The following TTLL5 variants were observed in gnomAD, a reference collection of about 807,000 sequenced individuals.
The protein encoded by TTLL5 is tubulin polyglutamylase TTLL5.
Under a neutral mutation model 168.4 loss-of-function variants are expected in TTLL5, and 132 were observed. The observed-to-expected ratio is 0.78, with a 90% CI of 0.68 to 0.91. The LOEUF (loss-of-function observed/expected upper bound fraction) is 0.91, where lower values mean the gene tolerates loss of function less well. TTLL5 is among the 40% of genes least tolerant of loss of function. TTLL5 has a pLI of 0.00. For synonymous variants in TTLL5, 546 were observed against 558.6 expected, an observed-to-expected ratio of 0.98 and a Z score of 0.32; for missense variants, 1,545 against 1,581.5, an observed-to-expected ratio of 0.98 and a Z score of 0.39.
intron 9 of TTLL5, among the ~76,000 whole-genome samples, chr14:75,716,710 C>T (rs1171108558): frequency 6.6e-6 from 1 of 151,984 alleles, no homozygotes; most frequent in African/African-American, 2.4e-5. Flanking sequence ...CATAACCATT[C>T]GCCTTGAGTG....
intron 31 of TTLL5, among the ~76,000 whole-genome samples, chr14:75,946,806 A>G (rs2034788748): frequency 6.6e-6 from 1 of 152,198 alleles, no homozygotes; most frequent in Admixed American, 6.5e-5. Flanking sequence ...CGCTATTCTA[A>G]ATAAAGTAGA....
rs1444144201 is a variant in TTLL5, at chr14:75,783,156, C to G, written c.2612C>G (p.Thr871Ser). The G allele has an allele frequency of 2.5e-6, 4 of 1,608,112 alleles. No individual in the cohort carries two copies. The change falls in exon 26 of 32, where the codon ACT (threonine) becomes AGT (serine). Residue 871 changes from threonine to serine, a missense_variant. Thr to Ser is a moderately conservative substitution (Grantham distance 58, BLOSUM62 1). Coordinates refer to ENST00000298832, the MANE Select transcript of TTLL5 (RefSeq NM_015072.5). ...IHSDKLSRFT[T>S]SAEKEAKLVY... is the part of the protein sequence containing the mutation. ...GTTTTGTTTTTAATAGGATTTACCA[C>G]TTCAGCAGAAAAAGAGGCAAAATTA...
chr14:75,771,911 ATTTTT>A (rs57636956), intron 21 of TTLL5, 57 bp downstream of exon 21: 8 of 1,307,518 alleles, frequency 6.1e-6, no homozygotes, highest in South Asian at 3.2e-5. Context: ...TTCTTTCTGT[ATTTTT>A]TTTTTTTTTT....
At position 75,735,237 on chromosome 14, in the gene TTLL5, C is replaced by T; in HGVS notation, c.1229C>T (p.Pro410Leu). The T allele has an allele frequency of 6.2e-7, 1 of 1,614,220 alleles. No individual in the cohort carries two copies. Among genetic ancestry groups the T allele is most frequent in the Non-Finnish European group, 8.5e-7 (1 of 1,180,008 alleles). ...QDPAQRASTR[P>L]IYPTFESSRR... ...CCTGCCCAGCGGGCATCAACTCGGC[C>T]AATTTATCCCACCTTTGAGTCTTCC... The change falls in exon 15 of 32, where the codon CCA (proline) becomes CTA (leucine). Residue 410 changes from proline (P) to leucine (L), a missense_variant. Physicochemically the swap from Pro to Leu is moderately conservative, Grantham distance 98. Coordinates refer to ENST00000298832, the MANE Select transcript of TTLL5 (RefSeq NM_015072.5).
Position 75,826,853 on chromosome 14 carries a change from T to G in TTLL5, c.3326+6692T>G, listed in dbSNP as rs1469023051. On this transcript the variant is annotated intron_variant, in intron 28 of 31. Transcript: ENST00000298832. ...GTAGAAGAACATTGATGATCCATAT[T>G]TAAAGCTTACCTAGTATTGACTCAA... Among the ~76,000 whole-genome samples the G allele has an allele frequency of 2.0e-5, 3 of 152,152 alleles. No homozygotes were observed. In the East Asian group the frequency reaches 5.8e-4, roughly 29 times the overall value.
intron 6 of TTLL5, among the ~76,000 whole-genome samples, chr14:75,692,422 A>T (rs1309128431): frequency 3.3e-5 from 5 of 152,220 alleles, no homozygotes; most frequent in Non-Finnish European, 7.3e-5. Context: ...ACTACTATTA[A>T]TTAGTATTAG....
chr14:75,783,664 G>A (rs1010614500), intron 26 of TTLL5, 134 bp downstream of exon 26: 33 of 1,269,232 alleles, frequency 2.6e-5, no homozygotes, highest in African/African-American at 1.5e-4. Flanking sequence ...TTGTTCTGAC[G>A]TGACTAAAGA....
intron 3 of TTLL5, among the ~76,000 whole-genome samples, chr14:75,675,273 A>G (rs779950278): frequency 5.9e-5 from 9 of 152,332 alleles, no homozygotes; most frequent in Admixed American, 6.5e-5. Flanking sequence ...TGTTGCCATT[A>G]AAGGAGTTAT....
intron 15 of TTLL5, chr14:75,737,618 G>C: frequency 1.3e-6 from 2 of 1,534,868 alleles, no homozygotes; most frequent in East Asian, 2.4e-5. Flanking sequence ...GTAAGTTCTA[G>C]ATCTTTTGGA....
chr14:75,949,420 G>GTATATATATATTC (rs2034883360), intron 31 of TTLL5, among the ~76,000 whole-genome samples: 4 of 135,422 alleles, frequency 3.0e-5, no homozygotes, highest in Non-Finnish European at 6.3e-5. Flanking sequence ...GTTTTATAGA[G>GTATATATATATTC]TATATATATA....
intron 7 of TTLL5, among the ~76,000 whole-genome samples, chr14:75,703,698 A>G (rs796095098): frequency 6.6e-5 from 10 of 152,372 alleles, no homozygotes; most frequent in African/African-American, 2.4e-4. Context: ...TTCACATGTT[A>G]GGAGAGTGTT....
chr14:75,683,051 C>G (rs1884751906), intron 4 of TTLL5, among the ~76,000 whole-genome samples: 1 of 152,216 alleles, frequency 6.6e-6, no homozygotes, highest in Non-Finnish European at 1.5e-5. Flanking sequence ...AGATTACAGG[C>G]ATGAGCCACC....
chr14:75,680,579 A>C (rs1884521045), intron 3 of TTLL5, among the ~76,000 whole-genome samples: 2 of 151,172 alleles, frequency 1.3e-5, no homozygotes, highest in African/African-American at 4.9e-5. Flanking sequence ...ACTGGTAATC[A>C]GCATTATAGG....
chr14:75,757,269 C>T (rs1214707021), intron 18 of TTLL5, among the ~76,000 whole-genome samples: 3 of 152,164 alleles, frequency 2.0e-5, no homozygotes, highest in Admixed American at 6.5e-5. Context: ...TGAGCCAATG[C>T]GCCCGTCCTT....
chr14:75,882,667 TTCC>T lies in TTLL5; in HGVS notation c.3523-16_3523-14del. 6.2e-7 allele frequency: 1 copy of T among 1,602,690 alleles called. No individual in the cohort carries two copies. On this transcript the variant is annotated splice_polypyrimidine_tract_variant and intron_variant, in intron 29 of 31. Coordinates refer to ENST00000298832, the MANE Select transcript of TTLL5 (RefSeq NM_015072.5). ...AAGGTGATGTCCATCGATCATTTTT[TTCC>T]TTTTTTTTTTGTAGGCAATCTTTGG...
At chr14:75,733,394 ATGT>A (rs969657923) in intron 13 of TTLL5, among the ~76,000 whole-genome samples, 1 of 151,550 alleles carries the variant, frequency 6.6e-6, no homozygotes, top group Non-Finnish European at 1.5e-5. Flanking sequence ...CTTTTGGTCG[ATGT>A]TGTTTTTGTT....
At chr14:75,930,655 C>CG (rs1313648394) in intron 31 of TTLL5, 10 of 984,944 alleles carry the variant, frequency 1.0e-5, no homozygotes, top group African/African-American at 8.8e-5. Flanking sequence ...AGATAAGTGA[C>CG]GGGGGGAAAT....
rs1270848182 is a variant in TTLL5, at chr14:75,759,275, TGA to T, written c.1551-5339_1551-5338del. 8.5e-5 allele frequency among the ~76,000 whole-genome samples: 13 copies of T among 152,288 alleles called. No individual in the cohort carries two copies. The East Asian group carries it at 2.5e-3, about 29-fold the overall frequency. The stretch of plus-strand genomic sequence containing the variant: ...TATTCCATTACTTTGACAGCTTAGT[TGA>T]AATGACAATTCTTTGTGGTGGTGGG... On this transcript the variant is annotated intron_variant, in intron 18 of 31. Transcript: ENST00000298832.
intron 31 of TTLL5, among the ~76,000 whole-genome samples, chr14:75,924,139 T>A (rs2033923877): frequency 6.6e-6 from 1 of 151,884 alleles, no homozygotes; most frequent in Admixed American, 6.6e-5. Flanking sequence ...TGGGTCTCCT[T>A]AATACAGCAC....
Sources: allele counts gnomAD v4.1 joint callset (sites outside exome capture counted in the v4.1 genomes callset), GRCh38; gene constraint gnomAD v4.1.1; transcripts MANE v1.5; gene names NCBI Gene and HGNC (gene_info 2026-07-23, HGNC 2026-07-21).